Variants in SIRT4 observed in about 807,000 individuals in gnomAD.
SIRT4 encodes sirtuin 4.
SIRT4 carries 23 observed loss-of-function variants against 26.1 expected under a neutral mutation model. The ratio of observed to expected loss-of-function variants is 0.88; its 90% CI spans 0.63 to 1.25. SIRT4 has a LOEUF of 1.25. Among genes scored for constraint, SIRT4 ranks in the 50% most tolerant of loss-of-function variants. The pLI, the probability that SIRT4 is intolerant of heterozygous loss-of-function variation, is 0.00. For missense variants in SIRT4, 361 were observed against 405.4 expected (o/e 0.89, Z 0.94); for synonymous variants, 155 against 158.4 (o/e 0.98, Z 0.16).
upstream of SIRT4, among the ~76,000 whole-genome samples, chr12:120,299,182 C>CT (rs1872453822): frequency 6.6e-6 from 1 of 150,752 alleles, no homozygotes; most frequent in Non-Finnish European, 1.5e-5. Flanking sequence ...GATCTCTCCA[C>CT]TACACTCCAG....
chr12:120,312,842 A>G, intron 3 of SIRT4, 42 bp from the exon 4 acceptor site: 2 of 1,611,136 alleles, frequency 1.2e-6, no homozygotes, highest in South Asian at 1.1e-5. Flanking sequence ...TTCTAGATCT[A>G]GAGAACCTAG....
At chr12:120,302,042 AAAAC>A (rs1253688994), upstream of SIRT4, among the ~76,000 whole-genome samples, 4 of 151,858 alleles carry the variant, frequency 2.6e-5, no homozygotes, top group Non-Finnish European at 5.9e-5. Context: ...TCAAAAAAAA[AAAAC>A]AACAACTCCG....
At chr12:120,299,893 A>G (rs1872483372), upstream of SIRT4, among the ~76,000 whole-genome samples, 1 of 152,034 alleles carries the variant, frequency 6.6e-6, no homozygotes, top group Non-Finnish European at 1.5e-5. Flanking sequence ...AGAGACATGG[A>G]GGGCTGTGTG....
At chr12:120,304,829 ATATATAT>A (rs1157445460) in intron 2 of SIRT4, among the ~76,000 whole-genome samples, 2 of 31,194 alleles carry the variant, frequency 6.4e-5, no homozygotes, top group East Asian at 1.9e-3. Context: ...ATATATATAT[ATATATAT>A]TTTTTTTTTT....
intron 1 of SIRT4, among the ~76,000 whole-genome samples, 155 bp downstream of exon 1, chr12:120,302,533 T>A (rs1014553739): frequency 1.3e-4 from 20 of 152,082 alleles, no homozygotes; most frequent in African/African-American, 3.6e-4. Context: ...CCCTTTGGTC[T>A]CGGGAAACCG....
chr12:120,312,517 G>C lies in SIRT4; in HGVS notation c.559G>C (p.Val187Leu), dbSNP rs1358322678. 1 of 1,614,130 alleles carries C rather than the reference G, an allele frequency of 6.2e-7. No individual in the cohort carries two copies. The highest frequency in any genetic ancestry group is 1.3e-5 in the African/African-American group (1 of 75,036). ...PRGVLQERFQ[V>L]LNPTWSAEAH... is the part of the protein sequence containing the mutation. ...GGGGGTGCTGCAAGAGCGTTTCCAAGTCCTGAACCCCACCTGGAGTGCTGA... is the reference window on the plus strand; with the variant it reads ...GGGGGTGCTGCAAGAGCGTTTCCAACTCCTGAACCCCACCTGGAGTGCTGA... The change falls in exon 3 of 4, where the codon GTC becomes CTC. Residue 187 changes from valine (V) to leucine (L), a missense_variant. Val to Leu is a conservative substitution (Grantham distance 32, BLOSUM62 1). Coordinates refer to ENST00000202967, the MANE Select transcript of SIRT4 (RefSeq NM_012240.3).
the SIRT4 span, chr12:120,293,016 A>G: frequency 2.7e-5 from 4 of 150,756 alleles, no homozygotes; most frequent in South Asian, 2.1e-4. Context: ...GTTTGCGAAC[A>G]AGTACTCTTC....
At chr12:120,301,051 A>T (rs1220081599), upstream of SIRT4, among the ~76,000 whole-genome samples, 2 of 152,194 alleles carry the variant, frequency 1.3e-5, no homozygotes, top group Non-Finnish European at 2.9e-5. Context: ...ATTAACTGTA[A>T]AAACATCACT....
At chr12:120,309,182 C>A (rs757516810) in intron 2 of SIRT4, among the ~76,000 whole-genome samples, 1 of 150,926 alleles carries the variant, frequency 6.6e-6, no homozygotes, top group Admixed American at 6.6e-5. Context: ...AACTCTGTCT[C>A]AAAAAAAACT....
intron 2 of SIRT4, among the ~76,000 whole-genome samples, chr12:120,308,145 C>T (rs1003011488): frequency 6.6e-6 from 1 of 150,384 alleles, no homozygotes; most frequent in African/African-American, 2.4e-5. Context: ...GTGTGAGCCA[C>T]CATGCCTGGC....
chr12:120,299,178 T>A (rs1266133975), upstream of SIRT4, among the ~76,000 whole-genome samples: 1 of 150,048 alleles, frequency 6.7e-6, no homozygotes, highest in Non-Finnish European at 1.5e-5. Flanking sequence ...CCGAGATCTC[T>A]CCACTACACT....
At chr12:120,295,513 C>T in the SIRT4 span, among the ~76,000 whole-genome samples, 1,158 of 147,760 alleles carry the variant, frequency 7.8e-3, 13 homozygotes, top group African/African-American at 0.027. Context: ...CTGCCTGCCT[C>T]GGCCTCCCAA....
chr12:120,297,236 AC>A, the SIRT4 span, among the ~76,000 whole-genome samples: 14 of 107,862 alleles, frequency 1.3e-4, no homozygotes, highest in African/African-American at 5.4e-4. Context: ...ATAAATAAAT[AC>A]ATACATACAT....
chr12:120,310,091 C>G (rs1057024039), intron 2 of SIRT4, among the ~76,000 whole-genome samples: 1 of 151,894 alleles, frequency 6.6e-6, no homozygotes, highest in Non-Finnish European at 1.5e-5. Flanking sequence ...ATCATAACTC[C>G]CTGTAACCTA....
At chr12:120,291,845 AG>A in the SIRT4 span, 1 of 152,164 alleles carries the variant, frequency 6.6e-6, no homozygotes, top group Non-Finnish European at 1.5e-5. Flanking sequence ...GTTTTCAATT[AG>A]CAATAATCGC....
chr12:120,304,095 G>A (rs201113803), intron 2 of SIRT4, 37 bp downstream of exon 2: 3 of 1,589,722 alleles, frequency 1.9e-6, no homozygotes, highest in African/African-American at 1.3e-5. Flanking sequence ...GCAAACCCGT[G>A]TGTTGTTTTG....
At chr12:120,305,960 C>G (rs1264602676) in intron 2 of SIRT4, among the ~76,000 whole-genome samples, 1 of 148,628 alleles carries the variant, frequency 6.7e-6, no homozygotes, top group Non-Finnish European at 1.5e-5. Context: ...TGTGGTGAGC[C>G]GAGATCGCGC....
rs1156485003 is a variant in SIRT4, at chr12:120,303,939, G to A, written c.378G>A (p.Trp126Ter). Reference sequence around the variant, plus strand: ...CCCACCAGCCTAACCCTGCACACTGGGCTTTGAGCACCTGGGAGAAACTCG... The same window carrying A: ...CCCACCAGCCTAACCCTGCACACTGAGCTTTGAGCACCTGGGAGAAACTCG... Reference protein sequence around the residue: ...FSSHQPNPAHWALSTWEKLGK... With the variant: ...FSSHQPNPAH The change falls in exon 2 of 4, where the codon TGG becomes TGA. Residue 126 changes from tryptophan (W) to a stop codon, truncating the protein, a stop_gained. Transcript: ENST00000202967. LOFTEE classifies it high-confidence loss of function. 1 of 1,614,048 alleles carries A rather than the reference G, an allele frequency of 6.2e-7. No individual in the cohort carries two copies. The highest frequency in any genetic ancestry group is 8.5e-7 in the Non-Finnish European group (1 of 1,180,040).
chr12:120,302,576 C>T lies in SIRT4; in HGVS notation c.-2+198C>T, dbSNP rs138792334. Among the ~76,000 whole-genome samples the T allele has an allele frequency of 3.2e-3, 492 of 152,120 alleles. 4 individuals carry two copies. The highest frequency in any genetic ancestry group is 0.011 in the African/African-American group (473 of 41,502). On this transcript the variant is annotated intron_variant, in intron 1 of 3. Transcript: ENST00000202967. ...TGTTTGTTCAGCTGTTCACGTTTTG[C>T]TGTGGAATGTCAAGGAGAAAGCGGG...
Sources: gnomAD v4.1 joint callset for allele counts (sites outside exome capture counted in the v4.1 genomes callset) on GRCh38, gnomAD v4.1.1 for gene constraint, MANE v1.5 for transcripts, NCBI Gene and HGNC (gene_info 2026-07-23, HGNC 2026-07-21) for gene names.